ZNF804B: variants seen among roughly 807,000 people sequenced by gnomAD.
ZNF804B encodes zinc finger 804B.
A neutral mutation model predicts 101.4 loss-of-function variants in ZNF804B; 80 were observed. That is an observed-to-expected ratio of 0.79 (90% CI 0.66 to 0.95). The LOEUF is 0.95. Among genes scored for constraint, ZNF804B ranks in the 40% least tolerant of loss-of-function variants. The pLI is 0.00. For synonymous variants in ZNF804B, 622 were observed against 558.8 expected (o/e 1.11, Z -1.59); for missense variants, 1,673 against 1,561.9 (o/e 1.07, Z -1.20).
In ZNF804B at chr7:88,871,698, T is replaced by A. The variant is rs138245868; in HGVS notation, c.108+111614T>A. Among the ~76,000 whole-genome samples, 808 of 152,266 alleles carry A rather than the reference T, an allele frequency of 5.3e-3. 11 individuals carry two copies. The highest frequency in any genetic ancestry group is 0.019 in the African/African-American group (773 of 41,558). On this transcript the variant is annotated intron_variant, in intron 1 of 3. Transcript: ENST00000333190. ...TGAAAACTGGGCTGGGTGCTGTGGC[T>A]CACACCTGTAATCCCAGCACTTTGG...
At chr7:89,069,917 T>C (rs2116295360) in intron 1 of ZNF804B, among the ~76,000 whole-genome samples, 1 of 152,326 alleles carries the variant, frequency 6.6e-6, no homozygotes, top group South Asian at 2.1e-4. Flanking sequence ...TTAAATGAGA[T>C]ATGCATGAAA....
chr7:89,192,000 T>G (rs975990655), intron 1 of ZNF804B, among the ~76,000 whole-genome samples: 1 of 152,112 alleles, frequency 6.6e-6, no homozygotes, highest in African/African-American at 2.4e-5. Context: ...TAAAAAAAAT[T>G]GATCCTGTTA....
At chr7:89,116,114 A>G (rs1337357801) in intron 1 of ZNF804B, among the ~76,000 whole-genome samples, 1 of 150,634 alleles carries the variant, frequency 6.6e-6, no homozygotes, top group Non-Finnish European at 1.5e-5. Context: ...GTGTTTCGCC[A>G]TGTTCCCCAA....
chr7:89,219,344 A>G (rs1393768926), intron 2 of ZNF804B, among the ~76,000 whole-genome samples: 2 of 149,692 alleles, frequency 1.3e-5, no homozygotes, highest in African/African-American at 5.1e-5. Context: ...TCCTAAGCAT[A>G]CTCTCTTAAG....
At chr7:89,054,516 T>C (rs1041490788) in intron 1 of ZNF804B, among the ~76,000 whole-genome samples, 13 of 151,910 alleles carry the variant, frequency 8.6e-5, no homozygotes, top group Middle Eastern at 3.4e-3. Context: ...GCTCAGACCA[T>C]ACCACTTCTA....
chr7:89,298,577 T>C (rs1396411404), intron 2 of ZNF804B, among the ~76,000 whole-genome samples: 2 of 151,830 alleles, frequency 1.3e-5, no homozygotes, highest in Non-Finnish European at 2.9e-5. Flanking sequence ...TTTGCATGTA[T>C]CTGTTGTTCA....
chr7:89,020,722 C>T (rs1788653101), intron 1 of ZNF804B, among the ~76,000 whole-genome samples: 1 of 152,074 alleles, frequency 6.6e-6, no homozygotes, highest in South Asian at 2.1e-4. Context: ...AATGGTGTCC[C>T]ATAAATCCTG....
chr7:89,077,969 A>G (rs1317615431), intron 1 of ZNF804B, among the ~76,000 whole-genome samples: 2 of 152,096 alleles, frequency 1.3e-5, no homozygotes, highest in Admixed American at 6.5e-5. Context: ...TCTTAGAACC[A>G]CTTTGTATTA....
intron 1 of ZNF804B, among the ~76,000 whole-genome samples, chr7:88,955,342 A>G (rs139499251): frequency 5.6e-4 from 85 of 151,682 alleles, no homozygotes; most frequent in Non-Finnish European, 1.1e-3. Flanking sequence ...TATCTACATG[A>G]GAGGCTTTAA....
intron 1 of ZNF804B, among the ~76,000 whole-genome samples, chr7:88,906,626 A>G (rs1792474557): frequency 6.6e-6 from 1 of 151,984 alleles, no homozygotes; most frequent in African/African-American, 2.4e-5. Context: ...ATTCTGTTGA[A>G]TTTATTGAGA....
chr7:89,091,066 T>G (rs76024318), intron 1 of ZNF804B, among the ~76,000 whole-genome samples: 1,952 of 152,266 alleles, frequency 0.013, 39 homozygotes, highest in African/African-American at 0.044. Context: ...CTTTCCTGTT[T>G]TCTTCTTCCA....
At chr7:89,273,856 A>G (rs915101964) in intron 2 of ZNF804B, among the ~76,000 whole-genome samples, 4 of 152,202 alleles carry the variant, frequency 2.6e-5, no homozygotes, top group Non-Finnish European at 4.4e-5. Flanking sequence ...AAATAACGAT[A>G]AAATGAGTTT....
chr7:88,987,468 T>G (rs927238007), intron 1 of ZNF804B, among the ~76,000 whole-genome samples: 1 of 152,140 alleles, frequency 6.6e-6, no homozygotes, highest in African/African-American at 2.4e-5. Flanking sequence ...TCTTTTCATA[T>G]TTACATTTTA....
intron 1 of ZNF804B, among the ~76,000 whole-genome samples, chr7:89,127,596 A>G (rs1308049331): frequency 1.3e-5 from 2 of 151,816 alleles, no homozygotes; most frequent in African/African-American, 4.8e-5. Context: ...CTAAGGAAGT[A>G]GTTAAGAAAA....
At chr7:89,028,905 T>C (rs1383907036) in intron 1 of ZNF804B, among the ~76,000 whole-genome samples, 1 of 152,112 alleles carries the variant, frequency 6.6e-6, no homozygotes, top group Non-Finnish European at 1.5e-5. Context: ...TATCAAGCAA[T>C]TGTTATTATT....
At chr7:88,781,783 A>ATG (rs1191766605) in intron 1 of ZNF804B, among the ~76,000 whole-genome samples, 10 of 152,252 alleles carry the variant, frequency 6.6e-5, no homozygotes, top group African/African-American at 2.4e-4. Flanking sequence ...TCTTTCTGCC[A>ATG]TGTGTGAGTA....
intron 1 of ZNF804B, among the ~76,000 whole-genome samples, chr7:89,064,431 G>A (rs1789422687): frequency 6.6e-6 from 1 of 152,132 alleles, no homozygotes; most frequent in Admixed American, 6.6e-5. Flanking sequence ...AATAACCTAA[G>A]AACAACTCAA....
chr7:89,154,818 G>A (rs1790932498), intron 1 of ZNF804B, among the ~76,000 whole-genome samples: 2 of 151,982 alleles, frequency 1.3e-5, no homozygotes, highest in South Asian at 4.2e-4. Flanking sequence ...GCACATCAGA[G>A]TAAATATAGT....
intron 1 of ZNF804B, among the ~76,000 whole-genome samples, chr7:88,834,553 A>T (rs1218710771): frequency 2.6e-5 from 4 of 151,714 alleles, no homozygotes; most frequent in African/African-American, 9.7e-5. Flanking sequence ...ACCCCTTCTG[A>T]GATTTACTTT....
Sources: allele counts gnomAD v4.1 joint callset (sites outside exome capture counted in the v4.1 genomes callset), GRCh38; gene constraint gnomAD v4.1.1; transcripts MANE v1.5; gene names NCBI Gene and HGNC (gene_info 2026-07-23, HGNC 2026-07-21).